Variants in TRPV1 observed in about 807,000 individuals in gnomAD.
The protein encoded by TRPV1 is transient receptor potential cation channel subfamily V member 1, also known as OTRPC1.
In TRPV1, 82 loss-of-function variants were observed where a neutral mutation model predicts 82.3. That is an observed-to-expected ratio of 1.00 (90% confidence interval 0.83 to 1.20). The LOEUF (loss-of-function observed/expected upper bound fraction) is 1.20, where lower values mean the gene tolerates loss of function less well. Ranked by LOEUF, TRPV1 falls within the 50% of genes most tolerant of loss-of-function variation. The probability of loss-of-function intolerance (pLI) is 0.00; values close to 1 mark genes in which losing one functional copy is unlikely to be tolerated. For synonymous variants in TRPV1, 515 were observed against 467.7 expected (o/e 1.10, Z -1.30); for missense variants, 1,067 against 1,096.8 (o/e 0.97, Z 0.38).
intron 10 of TRPV1, among the ~76,000 whole-genome samples, chr17:3,582,726 G>GCA (rs2075036531): frequency 6.6e-6 from 1 of 152,018 alleles, no homozygotes; most frequent in Admixed American, 6.6e-5. Context: ...GGGAGGCTGA[G>GCA]GCAGGTGGAT....
rs1415008877 is a variant in TRPV1, at chr17:3,566,602, G to C, written c.*213C>G. 1 of 524,624 alleles carries C rather than the reference G, an allele frequency of 1.9e-6. No homozygotes were observed. Among genetic ancestry groups the C allele is most frequent in the African/African-American group, 1.9e-5 (1 of 52,520 alleles). The allele number at this position is 524,624 out of a possible 1,614,324, so 32.5% of individuals were successfully genotyped here. A position where few individuals can be genotyped will look rare whatever the true frequency, so the allele number is the denominator to read the frequency against. On this transcript the variant is annotated 3_prime_UTR_variant, in exon 17 of 17. Transcript: ENST00000572705. ...GTAAAAACCTGAAAGTCTGTTAGGA[G>C]ATTCACTTGGGGACAGTGACGGTTG...
At chr17:3,605,911 A>G (rs1247345001) in intron 2 of TRPV1, among the ~76,000 whole-genome samples, 5 of 151,324 alleles carry the variant, frequency 3.3e-5, no homozygotes, top group Admixed American at 3.3e-4. Flanking sequence ...TGTGGTGACA[A>G]CCCCCAAATC....
intron 2 of TRPV1, among the ~76,000 whole-genome samples, chr17:3,593,604 A>G (rs1169396463): frequency 2.0e-5 from 3 of 151,886 alleles, no homozygotes; most frequent in African/African-American, 7.3e-5. Flanking sequence ...CTCAGATGCT[A>G]CTTCCCCTCA....
At chr17:3,584,697 G>A (rs979239722) in intron 9 of TRPV1, among the ~76,000 whole-genome samples, 1 of 152,072 alleles carries the variant, frequency 6.6e-6, no homozygotes, top group Non-Finnish European at 1.5e-5. Flanking sequence ...TCGGGAGGCC[G>A]AGGCAGAAGA....
intron 9 of TRPV1, among the ~76,000 whole-genome samples, chr17:3,584,131 G>A (rs576594753): frequency 2.5e-4 from 38 of 152,020 alleles, no homozygotes; most frequent in South Asian, 1.9e-3. Context: ...TTAGCCAGGC[G>A]TGGTAGCTCA....
chr17:3,572,385 A>C, intron 14 of TRPV1, 136 bp from the exon 15 acceptor site: 1 of 1,095,808 alleles, frequency 9.1e-7, no homozygotes, highest in Non-Finnish European at 1.3e-6. Context: ...AGTGCCCTCC[A>C]CGCTAGCTTT....
intron 11 of TRPV1, among the ~76,000 whole-genome samples, chr17:3,579,629 C>A (rs1386472129): frequency 1.3e-5 from 2 of 152,204 alleles, no homozygotes; most frequent in Admixed American, 1.3e-4. Context: ...GTGCGTGCCA[C>A]CATGCCTGCC....
At chr17:3,607,590 G>A (rs1173206007) in intron 2 of TRPV1, among the ~76,000 whole-genome samples, 1 of 148,952 alleles carries the variant, frequency 6.7e-6, no homozygotes, top group Non-Finnish European at 1.5e-5. Flanking sequence ...AGGCTAGAGT[G>A]CAGTGGTGCG....
intron 2 of TRPV1, among the ~76,000 whole-genome samples, chr17:3,606,174 C>T (rs779684087): frequency 2.6e-4 from 40 of 152,056 alleles, no homozygotes; most frequent in Admixed American, 6.6e-5. Flanking sequence ...TTGGCCAGGC[C>T]GGTCTCGGAA....
At chr17:3,587,752 G>T (rs1221563535) in intron 8 of TRPV1, among the ~76,000 whole-genome samples, 2 of 151,550 alleles carry the variant, frequency 1.3e-5, no homozygotes, top group African/African-American at 2.4e-5. Context: ...GATAGAGGTT[G>T]CAGTGAGCCG....
chr17:3,591,334 C>A lies in TRPV1; in HGVS notation c.304G>T (p.Val102Phe). 1.3e-6 allele frequency: 2 copies of A among 1,592,344 alleles called. No homozygotes were observed. The highest frequency in any genetic ancestry group is 1.7e-6 in the Non-Finnish European group (2 of 1,170,790). Residue 102 changes from valine to phenylalanine, a missense_variant, in exon 4 of 17, where the codon GTC becomes TTC. By Grantham distance (50) the Val-to-Phe change is conservative. Transcript: ENST00000572705. ...TGARLLSQDSVAASTEKTLRL... is the reference protein window; with the variant it reads ...TGARLLSQDSFAASTEKTLRL... ...AGGGTCTTCTCGGTGCTGGCGGCGA[C>A]AGAGTCCTGGGACAGCAGCCTGTGG...
rs1224942330 is a variant in TRPV1, at chr17:3,568,628, G to A, written c.2348-1641C>T. ...CTGGGCTAGCCATCGTGCTGTCAACGATCACAAAATAGGCAACATACAGGC... is the reference window on the plus strand; with the variant it reads ...CTGGGCTAGCCATCGTGCTGTCAACAATCACAAAATAGGCAACATACAGGC... On this transcript the variant is annotated intron_variant, in intron 16 of 16. Coordinates refer to ENST00000572705, the MANE Select transcript of TRPV1 (RefSeq NM_080704.4). Among the ~76,000 whole-genome samples the A allele has an allele frequency of 4.6e-5, 7 of 152,126 alleles. No individual in the cohort carries two copies. The East Asian group carries it at 5.8e-4, about 13-fold the overall frequency.
Position 3,573,834 on chromosome 17 carries a change from G to T in TRPV1, c.1902C>A (p.Thr634=), listed in dbSNP as rs1402839567. ...TGGTGAACTTGAACAGCTCCAGGCAGGTGGAGTACAGGCTGTTGTAGGAGC... is the reference window on the plus strand; with the variant it reads ...TGGTGAACTTGAACAGCTCCAGGCATGTGGAGTACAGGCTGTTGTAGGAGC... ...PDSSYNSLYS[T]CLELFKFTIG... The change falls in exon 14 of 17, where the codon ACC becomes ACA. Residue 634 remains threonine, a synonymous_variant. Coordinates refer to ENST00000572705, the MANE Select transcript of TRPV1 (RefSeq NM_080704.4). The T allele has an allele frequency of 5.0e-6, 8 of 1,613,844 alleles. No homozygotes were observed. Among genetic ancestry groups the T allele is most frequent in the Non-Finnish European group, 5.9e-6 (7 of 1,179,872 alleles).
At chr17:3,571,750 T>G in intron 15 of TRPV1, 111 bp from the exon 16 acceptor site, 20 of 842,300 alleles carry the variant, frequency 2.4e-5, no homozygotes, top group Middle Eastern at 2.4e-4. Flanking sequence ...GGAGATGTGG[T>G]GGGTCGGGGA....
At position 3,588,284 on chromosome 17, in the gene TRPV1, C is replaced by T; in HGVS notation, c.1128G>A (p.Gly376=). Residue 376 remains glycine, a synonymous_variant, in exon 8 of 17, where the codon GGG becomes GGA. Coordinates refer to ENST00000572705, the MANE Select transcript of TRPV1 (RefSeq NM_080704.4). ...GGTCGTACAGCGAGGAGTGCACGGG[C>T]CCGTAGGCCCACTCGGTGAACTTCC... The part of the protein sequence containing the change: ...LSRKFTEWAY[G]PVHSSLYDLS... 1 of 1,578,004 alleles carries T rather than the reference C, an allele frequency of 6.3e-7. No homozygotes were observed. Among genetic ancestry groups the T allele is most frequent in the Non-Finnish European group, 8.6e-7 (1 of 1,162,554 alleles).
intron 16 of TRPV1, among the ~76,000 whole-genome samples, chr17:3,570,941 T>G (rs2074844162): frequency 6.6e-6 from 1 of 152,142 alleles, no homozygotes; most frequent in Admixed American, 6.6e-5. Flanking sequence ...GGTCTCAAAC[T>G]CCCGGCCTCA....
At position 3,566,778 on chromosome 17, in the gene TRPV1, A is replaced by T; in HGVS notation, c.*37T>A. 6.2e-7 allele frequency: 1 copy of T among 1,604,678 alleles called. No homozygotes were observed. The highest frequency in any genetic ancestry group is 8.5e-7 in the Non-Finnish European group (1 of 1,174,884). On this transcript the variant is annotated 3_prime_UTR_variant, in exon 17 of 17. Coordinates refer to ENST00000572705, the MANE Select transcript of TRPV1 (RefSeq NM_080704.4). ...GCCCCCCGTGGCAACGGGGTCTCCTAAGGCCCAGTGTTGACAGTGCTGTCT... is the reference window on the plus strand; with the variant it reads ...GCCCCCCGTGGCAACGGGGTCTCCTTAGGCCCAGTGTTGACAGTGCTGTCT...
chr17:3,569,062 A>C (rs2074812676), intron 16 of TRPV1, among the ~76,000 whole-genome samples: 2 of 152,120 alleles, frequency 1.3e-5, no homozygotes, highest in South Asian at 4.2e-4. Flanking sequence ...GTGGGAATTG[A>C]ACAATGAGAA....
chr17:3,601,952 AACGGGCACAGTAC>A (rs1180816131), intron 2 of TRPV1: 1 of 152,166 alleles, frequency 6.6e-6, no homozygotes, highest in Non-Finnish European at 1.5e-5. Context: ...TTCCTATGGC[AACGGGCACAGTAC>A]TCATGGCCAC....
Sources: gnomAD v4.1 joint callset for allele counts (sites outside exome capture counted in the v4.1 genomes callset) on GRCh38, gnomAD v4.1.1 for gene constraint, MANE v1.5 for transcripts, NCBI Gene and HGNC (gene_info 2026-07-23, HGNC 2026-07-21) for gene names.